Variants in CREBL2 observed in about 807,000 individuals in gnomAD.
CREBL2 encodes the protein cAMP responsive element binding protein like 2, also known as cAMP-responsive element-binding protein-like 2.
CREBL2 carries 4 observed loss-of-function variants against 19.5 expected under a neutral mutation model. The observed-to-expected ratio is 0.20, with a 90% CI of 0.10 to 0.47. The LOEUF (loss-of-function observed/expected upper bound fraction) is 0.47, where lower values mean the gene tolerates loss of function less well. CREBL2 is among the 20% of genes least tolerant of loss of function. The pLI is 0.98. For missense variants in CREBL2, 85 were observed against 145.1 expected (o/e 0.59, Z 2.13); for synonymous variants, 42 against 46.6 (o/e 0.90, Z 0.40).
chr12:12,616,030 A>G (rs537651664), intron 1 of CREBL2: 6 of 152,358 alleles, frequency 3.9e-5, no homozygotes, highest in African/African-American at 1.4e-4. Flanking sequence ...CACTGTATCT[A>G]TTATCTTGAT....
chr12:12,642,066 G>C lies in CREBL2; in HGVS notation c.*68G>C. 2 of 1,295,276 alleles carry C rather than the reference G, an allele frequency of 1.5e-6. No homozygotes were observed. The highest frequency in any genetic ancestry group is 2.2e-6 in the Non-Finnish European group (2 of 912,566). 80.2% of individuals were successfully genotyped at this position (1,295,276 alleles called of 1,614,324 possible). A position where few individuals can be genotyped will look rare whatever the true frequency, so the allele number is the denominator to read the frequency against. On this transcript the variant is annotated 3_prime_UTR_variant, in exon 4 of 4. Transcript: ENST00000228865. ...ATTCCCATGGAAGATGGATGGGCAAGAGTGTACTTCTTGGCTCCATTTACT... is the reference window on the plus strand; with the variant it reads ...ATTCCCATGGAAGATGGATGGGCAACAGTGTACTTCTTGGCTCCATTTACT...
rs66943066 is a variant in CREBL2 at position 12,617,643 on chromosome 12, C to CTTTTTTTTTTTTTTTTTTT, written c.15+5476_15+5494dup. 3.1e-4 allele frequency among the ~76,000 whole-genome samples: 12 copies of CTTTTTTTTTTTTTTTTTTT among 38,764 alleles called. 3 individuals carry two copies. Among genetic ancestry groups the CTTTTTTTTTTTTTTTTTTT allele is most frequent in the Admixed American group, 7.4e-4 (2 of 2,694 alleles). The allele number at this position is 38,764 out of a possible 152,430, so 25.4% of individuals were successfully genotyped here. ...CCCTGAGATGCTCATTTTAGTAATT[C>CTTTTTTTTTTTTTTTTTTT]TTTTTTTTTTTTTTTTTTTTTTTTT... On this transcript the variant is annotated intron_variant, in intron 1 of 3. Coordinates refer to ENST00000228865, the MANE Select transcript of CREBL2 (RefSeq NM_001310.4).
At chr12:12,619,131 G>A (rs991403957) in intron 1 of CREBL2, among the ~76,000 whole-genome samples, 2 of 152,058 alleles carry the variant, frequency 1.3e-5, no homozygotes, top group African/African-American at 4.8e-5. Flanking sequence ...AGTATATGCT[G>A]TTGTATAAGA....
At chr12:12,628,082 A>AT (rs1325412722) in intron 1 of CREBL2, among the ~76,000 whole-genome samples, 1 of 151,954 alleles carries the variant, frequency 6.6e-6, no homozygotes, top group East Asian at 1.9e-4. Flanking sequence ...GGGTTTCACT[A>AT]TGTTGGCCAG....
At chr12:12,637,842 AC>A in intron 3 of CREBL2, 128 bp downstream of exon 3, 1 of 1,034,450 alleles carries the variant, frequency 9.7e-7, no homozygotes, top group Non-Finnish European at 1.3e-6. Context: ...GGAGTTCAAG[AC>A]CAGACAGGGC....
intron 1 of CREBL2, among the ~76,000 whole-genome samples, chr12:12,621,523 CAA>C (rs61201510): frequency 1.7e-4 from 11 of 64,872 alleles, no homozygotes; most frequent in African/African-American, 1.7e-4. Context: ...CGTCTCAAAC[CAA>C]AAAAAAAAAA....
At chr12:12,615,092 A>G (rs961493186) in intron 1 of CREBL2, among the ~76,000 whole-genome samples, 3 of 151,924 alleles carry the variant, frequency 2.0e-5, no homozygotes, top group Admixed American at 6.6e-5. Context: ...TTGGCTCACT[A>G]TAAACTCCGC....
chr12:12,615,229 G>A (rs1315618584), intron 1 of CREBL2, among the ~76,000 whole-genome samples: 2 of 152,084 alleles, frequency 1.3e-5, no homozygotes, highest in African/African-American at 4.8e-5. Context: ...CTGCCATGTT[G>A]GCCAGGCTGA....
chr12:12,624,194 G>A (rs1006305148), intron 1 of CREBL2, among the ~76,000 whole-genome samples: 2 of 152,190 alleles, frequency 1.3e-5, no homozygotes, highest in Admixed American at 6.5e-5. Context: ...GAACTCGAGG[G>A]TGACATGGCC....
In CREBL2 at chr12:12,628,088, G is replaced by GC. The variant is rs537463745; in HGVS notation, c.16-7687dup. On this transcript the variant is annotated intron_variant, in intron 1 of 3. Coordinates refer to ENST00000228865, the MANE Select transcript of CREBL2 (RefSeq NM_001310.4). The stretch of plus-strand genomic sequence containing the variant: ...GTAGAGATGGGGTTTCACTATGTTG[G>GC]CCAGGATGGTCTTGATCTCTTGACA... Among the ~76,000 whole-genome samples, 85 of 152,118 alleles carry GC rather than the reference G, an allele frequency of 5.6e-4. 1 individual carries two copies. Among genetic ancestry groups the GC allele is most frequent in the African/African-American group, 2.0e-3 (83 of 41,498 alleles).
chr12:12,636,351 A>G (rs116148835), intron 2 of CREBL2, among the ~76,000 whole-genome samples: 2,667 of 152,290 alleles, frequency 0.018, 78 homozygotes, highest in African/African-American at 0.06. Flanking sequence ...AGACAAAGCA[A>G]TATAACAATA....
At chr12:12,626,357 A>C (rs1055276155) in intron 1 of CREBL2, among the ~76,000 whole-genome samples, 1 of 152,220 alleles carries the variant, frequency 6.6e-6, no homozygotes, top group Non-Finnish European at 1.5e-5. Context: ...AATTATCAGC[A>C]ATCCCTCCCT....
Position 12,644,409 on chromosome 12 carries a change from G to T in CREBL2, c.*2411G>T, listed in dbSNP as rs771354682. On this transcript the variant is annotated 3_prime_UTR_variant, in exon 4 of 4. Coordinates refer to ENST00000228865, the MANE Select transcript of CREBL2 (RefSeq NM_001310.4). ...TTTTGTGATGACAAGATGGCTGACA[G>T]TCACGGAGTCCAGGAGAAGGTGCTG... The T allele has an allele frequency of 1.3e-5, 2 of 152,628 alleles. No homozygotes were observed. The highest frequency in any genetic ancestry group is 2.9e-5 in the Non-Finnish European group (2 of 68,026). 9.5% of individuals were successfully genotyped at this position (152,628 alleles called of 1,614,324 possible).
intron 1 of CREBL2, among the ~76,000 whole-genome samples, chr12:12,632,887 CATT>C (rs1385481026): frequency 1.3e-5 from 2 of 150,074 alleles, no homozygotes; most frequent in Non-Finnish European, 3.0e-5. Context: ...AAGAAAGTTT[CATT>C]ATTTTTATAT....
intron 1 of CREBL2, among the ~76,000 whole-genome samples, chr12:12,635,369 GA>G (rs542994272): frequency 0.039 from 4,579 of 116,072 alleles, 186 homozygotes; most frequent in African/African-American, 0.12. Context: ...ACCCTGTCTG[GA>G]AAAAAAAAAA....
chr12:12,617,153 T>TA (rs1011540712), intron 1 of CREBL2, among the ~76,000 whole-genome samples: 5 of 152,308 alleles, frequency 3.3e-5, no homozygotes, highest in Non-Finnish European at 5.9e-5. Flanking sequence ...GTGTGCCTAA[T>TA]ACAGCATAAA....
At chr12:12,619,927 T>G (rs1252744375) in intron 1 of CREBL2, among the ~76,000 whole-genome samples, 2 of 152,224 alleles carry the variant, frequency 1.3e-5, no homozygotes, top group African/African-American at 4.8e-5. Flanking sequence ...CCTTACCCTT[T>G]TAACCCTCTC....
chr12:12,627,238 A>G (rs1044242683), intron 1 of CREBL2, among the ~76,000 whole-genome samples: 1 of 152,230 alleles, frequency 6.6e-6, no homozygotes, highest in African/African-American at 2.4e-5. Flanking sequence ...CACACTAATG[A>G]AAGATGTTAA....
chr12:12,641,260 T>A (rs11054997), intron 3 of CREBL2, among the ~76,000 whole-genome samples: 24,128 of 106,300 alleles, frequency 0.23, 3,119 homozygotes, highest in East Asian at 0.35. Flanking sequence ...ATTATTTTTT[T>A]TTATTTTTTT....
Sources: gnomAD v4.1 joint callset for allele counts (sites outside exome capture counted in the v4.1 genomes callset) on GRCh38, gnomAD v4.1.1 for gene constraint, MANE v1.5 for transcripts, NCBI Gene and HGNC (gene_info 2026-07-23, HGNC 2026-07-21) for gene names.